PIWIL2: variants seen among roughly 807,000 people sequenced by gnomAD.
PIWIL2 encodes the protein piwi-like protein 2.
PIWIL2 carries 81 observed loss-of-function variants against 116.5 expected under a neutral mutation model. The ratio of observed to expected loss-of-function variants is 0.70; its 90% CI spans 0.58 to 0.84. The LOEUF (loss-of-function observed/expected upper bound fraction) is 0.84, where lower values mean the gene tolerates loss of function less well. Among genes scored for constraint, PIWIL2 ranks in the 40% least tolerant of loss-of-function variants. PIWIL2 has a pLI of 0.00. For synonymous variants in PIWIL2, 489 were observed against 429.5 expected (o/e 1.14, Z -1.71); for missense variants, 1,272 against 1,212.3 (o/e 1.05, Z -0.73).
intron 10 of PIWIL2, among the ~76,000 whole-genome samples, chr8:22,297,703 T>A (rs574258227): frequency 2.0e-4 from 31 of 152,102 alleles, no homozygotes; most frequent in Non-Finnish European, 4.3e-4. Context: ...ATTTATAGTC[T>A]AGGAGAAGGA....
chr8:22,303,225 C>T (rs1326398946), intron 10 of PIWIL2, among the ~76,000 whole-genome samples: 2 of 152,090 alleles, frequency 1.3e-5, no homozygotes, highest in African/African-American at 4.8e-5. Context: ...AAACTGTATA[C>T]ACATACAAAC....
At chr8:22,306,738 A>G (rs1831190823) in intron 13 of PIWIL2, among the ~76,000 whole-genome samples, 1 of 152,206 alleles carries the variant, frequency 6.6e-6, no homozygotes, top group Admixed American at 6.5e-5. Flanking sequence ...TTCCTATGAG[A>G]GATTTTTTTC....
chr8:22,344,264 A>T (rs1012243163), intron 20 of PIWIL2, among the ~76,000 whole-genome samples: 12 of 152,246 alleles, frequency 7.9e-5, no homozygotes, highest in African/African-American at 2.7e-4. Flanking sequence ...TAGGGCACTG[A>T]AACTAGATAA....
chr8:22,285,644 C>CT (rs113534393), intron 6 of PIWIL2, among the ~76,000 whole-genome samples: 18 of 148,886 alleles, frequency 1.2e-4, no homozygotes, highest in Admixed American at 2.0e-4. Context: ...CATACTATTT[C>CT]TTTTTTTTTT....
At chr8:22,349,419 G>GTATATATATATATATA (rs71206515) in intron 20 of PIWIL2, among the ~76,000 whole-genome samples, 6 of 134,440 alleles carry the variant, frequency 4.5e-5, no homozygotes, top group Non-Finnish European at 6.3e-5. Context: ...ATGTGTGTGT[G>GTATATATATATATATA]TATATATATA....
chr8:22,341,186 G>A (rs1284288166), intron 20 of PIWIL2, among the ~76,000 whole-genome samples: 1 of 151,928 alleles, frequency 6.6e-6, no homozygotes, highest in East Asian at 1.9e-4. Flanking sequence ...TGCAAGGCTG[G>A]TTCAACAGTC....
At chr8:22,333,450 A>G (rs1272606874) in intron 20 of PIWIL2, among the ~76,000 whole-genome samples, 1 of 151,978 alleles carries the variant, frequency 6.6e-6, no homozygotes, top group Non-Finnish European at 1.5e-5. Flanking sequence ...CATCTCTACT[A>G]AAAGTAACAA....
intron 20 of PIWIL2, among the ~76,000 whole-genome samples, chr8:22,323,484 C>G (rs912938431): frequency 6.6e-6 from 1 of 152,148 alleles, no homozygotes; most frequent in African/African-American, 2.4e-5. Context: ...CCCACTTCAG[C>G]TTCCCAAAGT....
intron 10 of PIWIL2, among the ~76,000 whole-genome samples, chr8:22,297,533 T>C (rs1830936749): frequency 6.6e-6 from 1 of 152,148 alleles, no homozygotes. Flanking sequence ...TGCATCTAGT[T>C]GTGATTTCTG....
intron 20 of PIWIL2, among the ~76,000 whole-genome samples, chr8:22,326,477 CATGCCCA>C (rs1563405564): frequency 6.6e-6 from 1 of 152,130 alleles, no homozygotes; most frequent in Non-Finnish European, 1.5e-5. Flanking sequence ...AAAAACACCC[CATGCCCA>C]TTAAATAATC....
chr8:22,281,381 A>C lies in PIWIL2; in HGVS notation c.291A>C (p.Arg97Ser), dbSNP rs750918149. 9 of 1,609,198 alleles carry C rather than the reference A, an allele frequency of 5.6e-6. No homozygotes were observed. Among genetic ancestry groups the C allele is most frequent in the Non-Finnish European group, 7.6e-6 (9 of 1,178,996 alleles). ...GGGTTCGGTTCTTTCTTTCAGGTAG[A>C]GGCATTTTAGGTCGAGGCTTGTCTG... ...PLKREMLPSGRGILGRGLSAN... is the reference protein window; with the variant it reads ...PLKREMLPSGSGILGRGLSAN... The change falls in exon 4 of 23, where the codon AGA (arginine) becomes AGC (serine). Residue 97 changes from arginine to serine, a missense_variant. Physicochemically the swap from Arg to Ser is moderately radical, Grantham distance 110. Transcript: ENST00000356766.
chr8:22,339,182 A>G (rs1420566980), intron 20 of PIWIL2, among the ~76,000 whole-genome samples: 1 of 152,196 alleles, frequency 6.6e-6, no homozygotes, highest in Non-Finnish European at 1.5e-5. Context: ...AAGTAACTCC[A>G]AATGGATCAA....
chr8:22,276,020 GC>G (rs977269047), intron 1 of PIWIL2: 5 of 152,300 alleles, frequency 3.3e-5, no homozygotes, highest in African/African-American at 1.2e-4. Context: ...AGGCCGTCCA[GC>G]GCTTCTGAGT....
intron 16 of PIWIL2, among the ~76,000 whole-genome samples, chr8:22,311,558 C>T (rs142559784): frequency 1.3e-3 from 200 of 152,332 alleles, no homozygotes; most frequent in Middle Eastern, 3.4e-3. Context: ...GCTGACTTAA[C>T]TGTGGTTCAT....
At chr8:22,286,646 G>C (rs879408169) in intron 6 of PIWIL2, among the ~76,000 whole-genome samples, 11 of 152,098 alleles carry the variant, frequency 7.2e-5, no homozygotes, top group Non-Finnish European at 1.3e-4. Context: ...TTTTGAGACA[G>C]AGTCTCACTC....
chr8:22,338,757 G>T (rs1832039241), intron 20 of PIWIL2, among the ~76,000 whole-genome samples: 1 of 152,058 alleles, frequency 6.6e-6, no homozygotes, highest in African/African-American at 2.4e-5. Context: ...AAACAATGGA[G>T]TACTTTGGGT....
chr8:22,302,998 C>G (rs896903400), intron 10 of PIWIL2, among the ~76,000 whole-genome samples: 1 of 152,236 alleles, frequency 6.6e-6, no homozygotes, highest in Non-Finnish European at 1.5e-5. Flanking sequence ...GTTCCCATCC[C>G]TACCCCTAGA....
chr8:22,351,436 C>CAT lies in PIWIL2; in HGVS notation c.2404-1521_2404-1520dup, dbSNP rs1306694253. Among the ~76,000 whole-genome samples the CAT allele has an allele frequency of 9.3e-3, 426 of 45,904 alleles. 4 individuals carry two copies. The highest frequency in any genetic ancestry group is 0.014 in the Admixed American group (51 of 3,608). 30.1% of individuals were successfully genotyped at this position (45,904 alleles called of 152,430 possible). A position where few individuals can be genotyped will look rare whatever the true frequency, so the allele number is the denominator to read the frequency against. On this transcript the variant is annotated intron_variant, in intron 20 of 22. Transcript: ENST00000356766. The stretch of plus-strand genomic sequence containing the variant: ...AGTAACCTGTAAGGAACAGTGCATA[C>CAT]ATACATATATATATATATATATATA...
rs142551029 is a variant in PIWIL2 at position 22,317,273 on chromosome 8, G to C, written c.2298-897G>C. ...ATATCTGCAGAAATTGAGAAAGTGA[G>C]AATTCCTCATGGTCCAGCTTTTATT... On this transcript the variant is annotated intron_variant, in intron 19 of 22. Coordinates refer to ENST00000356766, the MANE Select transcript of PIWIL2 (RefSeq NM_018068.5). Among the ~76,000 whole-genome samples, 410 of 152,214 alleles carry C rather than the reference G, an allele frequency of 2.7e-3. 2 individuals are homozygous for C. The highest frequency in any genetic ancestry group is 8.9e-3 in the African/African-American group (369 of 41,526).
Sources: gnomAD v4.1 joint callset for allele counts (sites outside exome capture counted in the v4.1 genomes callset) on GRCh38, gnomAD v4.1.1 for gene constraint, MANE v1.5 for transcripts, NCBI Gene and HGNC (gene_info 2026-07-23, HGNC 2026-07-21) for gene names.